SFTPD: variants seen among roughly 807,000 people sequenced by gnomAD.
SFTPD encodes the protein surfactant protein D, also known as pulmonary surfactant-associated protein D.
Under a neutral mutation model 34.6 loss-of-function variants are expected in SFTPD, and 18 were observed. That is an observed-to-expected ratio of 0.52 (90% CI 0.36 to 0.77). The LOEUF is 0.77. Ranked by LOEUF, SFTPD falls within the 30% of genes least tolerant of loss-of-function variation. SFTPD has a pLI of 0.00. For synonymous variants in SFTPD, 155 were observed against 180.9 expected, an observed-to-expected ratio of 0.86 and a Z score of 1.15; for missense variants, 433 against 468.9, an observed-to-expected ratio of 0.92 and a Z score of 0.71.
At chr10:79,941,620 A>G in intron 5 of SFTPD, 106 bp from the exon 6 acceptor site, 1 of 852,126 alleles carries the variant, frequency 1.2e-6, no homozygotes. Flanking sequence ...TTGCCCAGAA[A>G]TAGACAGATG....
intron 1 of SFTPD, among the ~76,000 whole-genome samples, chr10:79,960,010 T>C (rs1219724362): frequency 6.6e-6 from 1 of 151,860 alleles, no homozygotes; most frequent in Non-Finnish European, 1.5e-5. Context: ...TCAATAAATG[T>C]AATCCAGCAT....
At chr10:79,966,434 GT>G (rs1192500853) in intron 1 of SFTPD, among the ~76,000 whole-genome samples, 10 of 88,466 alleles carry the variant, frequency 1.1e-4, no homozygotes, top group African/African-American at 5.8e-4. Flanking sequence ...GGGGTTGTTT[GT>G]TTTTTTCTTG....
At position 79,940,783 on chromosome 10, in the gene SFTPD, CA is replaced by C; in HGVS notation, c.672del (p.Ala225LeufsTer3). On this transcript the variant is annotated frameshift_variant, in exon 7 of 8. Coordinates refer to ENST00000372292, the MANE Select transcript of SFTPD (RefSeq NM_003019.5). LOFTEE classifies it high-confidence loss of function. The part of the protein sequence containing the change: ...GAKGESGLPD[V>X]ASLRQQVEAL... ...GCCTCAACCTGCTGCCTCAGAGAAG[CA>C]ACATCTGGAGGGGAGAAAATGGCCA... 6.2e-7 allele frequency: 1 copy of C among 1,608,850 alleles called. No homozygotes were observed. The highest frequency in any genetic ancestry group is 8.5e-7 in the Non-Finnish European group (1 of 1,175,450).
At chr10:79,950,790 T>C (rs1452591404), upstream of SFTPD, 1 of 152,204 alleles carries the variant, frequency 6.6e-6, no homozygotes, top group Non-Finnish European at 1.5e-5. Flanking sequence ...GCTTTTAATT[T>C]TTTTTCTTCT....
intron 1 of SFTPD, chr10:79,981,992 T>C: frequency 6.6e-6 from 2 of 303,128 alleles, no homozygotes; most frequent in South Asian, 4.2e-5. Flanking sequence ...GCCGCCAGCC[T>C]CGCCCACCTC....
intron 1 of SFTPD, chr10:79,970,039 A>G (rs1842826883): frequency 6.6e-6 from 1 of 152,074 alleles, no homozygotes; most frequent in Admixed American, 6.6e-5. Context: ...ACTCATTTTC[A>G]GTTGATTTTA....
chr10:79,954,863 G>A (rs1045690200), intron 1 of SFTPD, among the ~76,000 whole-genome samples: 7 of 152,266 alleles, frequency 4.6e-5, no homozygotes, highest in Admixed American at 3.9e-4. Context: ...AACCCCTGGT[G>A]GCCTTGGGAA....
intron 1 of SFTPD, among the ~76,000 whole-genome samples, chr10:79,979,466 C>A (rs546131259): frequency 6.6e-6 from 1 of 152,312 alleles, no homozygotes; most frequent in East Asian, 1.9e-4. Flanking sequence ...TCACTGGCAG[C>A]ATCAAGTGGT....
At chr10:79,938,733 T>C (rs1842582606) in intron 7 of SFTPD, among the ~76,000 whole-genome samples, 1 of 151,946 alleles carries the variant, frequency 6.6e-6, no homozygotes. Context: ...TCGGAGAGGG[T>C]CTGTGCTGTG....
chr10:79,955,983 G>A (rs1306682276), intron 1 of SFTPD, among the ~76,000 whole-genome samples: 1 of 152,132 alleles, frequency 6.6e-6, no homozygotes, highest in East Asian at 1.9e-4. Flanking sequence ...AAAAAAATAT[G>A]AAGCAAATGT....
chr10:79,974,042 A>G (rs1265435994), intron 1 of SFTPD, among the ~76,000 whole-genome samples: 2 of 130,180 alleles, frequency 1.5e-5, no homozygotes, highest in African/African-American at 6.5e-5. Flanking sequence ...ACACACACCC[A>G]CACACACACA....
At chr10:79,948,896 A>G (rs1008192767) in intron 1 of SFTPD, among the ~76,000 whole-genome samples, 170 bp downstream of exon 1, 1 of 152,216 alleles carries the variant, frequency 6.6e-6, no homozygotes, top group African/African-American at 2.4e-5. Flanking sequence ...AATAAGGGGC[A>G]GAAGAGCACC....
chr10:79,942,109 C>A (rs746807489), intron 4 of SFTPD, 39 bp from the exon 5 acceptor site: 1 of 1,446,558 alleles, frequency 6.9e-7, no homozygotes, highest in South Asian at 1.2e-5. Context: ...CAGCTAAGAG[C>A]GCGTTCAGCA....
At chr10:79,945,866 T>A (rs1207761452) in intron 2 of SFTPD, among the ~76,000 whole-genome samples, 1 of 152,214 alleles carries the variant, frequency 6.6e-6, no homozygotes, top group Middle Eastern at 3.2e-3. Flanking sequence ...TTAGCCTCTC[T>A]GCATCATCAT....
intron 2 of SFTPD, 34 bp downstream of exon 2, chr10:79,946,427 T>A (rs552590602): frequency 1.3e-6 from 2 of 1,507,318 alleles, no homozygotes; most frequent in Admixed American, 1.7e-5. Flanking sequence ...TGACCATTCC[T>A]CCCCAGCAGG....
intron 7 of SFTPD, 49 bp downstream of exon 7, chr10:79,940,656 G>A (rs775241964): frequency 8.1e-7 from 1 of 1,227,846 alleles, no homozygotes; most frequent in African/African-American, 1.5e-5. Context: ...AAGATCTAGT[G>A]TGGGGCCCAA....
At chr10:79,938,575 A>G (rs1292219175) in intron 7 of SFTPD, among the ~76,000 whole-genome samples, 2 of 152,184 alleles carry the variant, frequency 1.3e-5, no homozygotes, top group Non-Finnish European at 2.9e-5. Context: ...CATGCTATAT[A>G]CTAGAATTGA....
upstream of SFTPD, among the ~76,000 whole-genome samples, chr10:79,953,965 A>G (rs1158765001): frequency 1.3e-5 from 2 of 149,440 alleles, no homozygotes; most frequent in Non-Finnish European, 1.5e-5. Context: ...TCAGTTTTCA[A>G]TTCAGTCCTT....
chr10:79,959,905 T>C (rs1325444648), intron 1 of SFTPD, among the ~76,000 whole-genome samples: 2 of 152,110 alleles, frequency 1.3e-5, no homozygotes, highest in East Asian at 1.9e-4. Flanking sequence ...AATAAAATAC[T>C]GGCAAACCGA....
Sources: gnomAD v4.1 joint callset for allele counts (sites outside exome capture counted in the v4.1 genomes callset) on GRCh38, gnomAD v4.1.1 for gene constraint, MANE v1.5 for transcripts, NCBI Gene and HGNC (gene_info 2026-07-23, HGNC 2026-07-21) for gene names.